THSD4: variants seen among roughly 807,000 people sequenced by gnomAD.
THSD4 encodes thrombospondin type 1 domain containing 4, also known as thrombospondin type-1 domain-containing protein 4.
In THSD4, 69 loss-of-function variants were observed where a neutral mutation model predicts 119.0. The observed-to-expected ratio is 0.58, with a 90% CI of 0.48 to 0.71. The LOEUF (loss-of-function observed/expected upper bound fraction) is 0.71, where lower values mean the gene tolerates loss of function less well. THSD4 is among the 30% of genes least tolerant of loss of function. The probability of loss-of-function intolerance (pLI) is 0.00; values close to 1 mark genes in which losing one functional copy is unlikely to be tolerated. For missense variants in THSD4, 1,393 were observed against 1,391.1 expected (o/e 1.00, Z -0.02); for synonymous variants, 524 against 540.4 (o/e 0.97, Z 0.42).
At chr15:71,664,262 A>C (rs148070891) in intron 8 of THSD4, among the ~76,000 whole-genome samples, 1 of 151,922 alleles carries the variant, frequency 6.6e-6, no homozygotes, top group African/African-American at 2.4e-5. Context: ...GATTACAGGC[A>C]TGAGCCACCA....
At chr15:71,687,755 C>G (rs1478299912) in intron 8 of THSD4, among the ~76,000 whole-genome samples, 1 of 55,116 alleles carries the variant, frequency 1.8e-5, no homozygotes, top group African/African-American at 6.0e-5. Context: ...AACTCTGTCT[C>G]AAAAAAAAAA....
At chr15:71,609,851 C>CA (rs369430349) in intron 7 of THSD4, among the ~76,000 whole-genome samples, 95,499 of 115,272 alleles carry the variant, frequency 0.83, 39,309 homozygotes, top group East Asian at 0.98. Context: ...GACTCCGTCT[C>CA]AAAAAAAAAA....
intron 5 of THSD4, among the ~76,000 whole-genome samples, chr15:71,243,901 C>T (rs2044176552): frequency 6.6e-6 from 1 of 150,656 alleles, no homozygotes; most frequent in Non-Finnish European, 1.5e-5. Context: ...TTTCCTGCCT[C>T]AGCCTCCCGA....
chr15:71,633,664 TTTCAG>T (rs1192290441), intron 7 of THSD4, among the ~76,000 whole-genome samples: 4 of 152,178 alleles, frequency 2.6e-5, no homozygotes, highest in African/African-American at 9.6e-5. Context: ...AATATTTGTC[TTTCAG>T]TTCATTTAGT....
rs202043198 is a variant in THSD4, at chr15:71,737,930, C to T, written c.1829C>T (p.Pro610Leu). Residue 610 changes from proline (P) to leucine (L), a missense_variant, in exon 11 of 18, where the codon CCG becomes CTG. Pro to Leu is a moderately conservative substitution (Grantham distance 98). Transcript: ENST00000261862. The part of the protein sequence containing the change: ...HRPDNLVPPA[P>L]QPPRRSRDHN... ...CCGGACAACTTGGTGCCACCAGCAC[C>T]GCAGCCCCCACGGCGCAGCCGGGAT... The T allele has an allele frequency of 3.4e-4, 550 of 1,614,178 alleles. No homozygotes were observed. Among genetic ancestry groups the T allele is most frequent in the Middle Eastern group, 2.3e-3 (14 of 6,060 alleles).
At chr15:71,492,879 C>A (rs2047943487) in intron 7 of THSD4, among the ~76,000 whole-genome samples, 1 of 150,536 alleles carries the variant, frequency 6.6e-6, no homozygotes, top group East Asian at 1.9e-4. Flanking sequence ...AAACCCTTTG[C>A]CCTCCATGAA....
At chr15:71,180,194 A>T (rs1247909693) in intron 3 of THSD4, among the ~76,000 whole-genome samples, 1 of 151,814 alleles carries the variant, frequency 6.6e-6, no homozygotes, top group Non-Finnish European at 1.5e-5. Flanking sequence ...AGACACTATC[A>T]ACAGAGTATA....
intron 7 of THSD4, among the ~76,000 whole-genome samples, chr15:71,580,068 A>G (rs2049529371): frequency 6.6e-6 from 1 of 152,184 alleles, no homozygotes; most frequent in African/African-American, 2.4e-5. Context: ...CTTTCCCAAG[A>G]GAGAGTTTTC....
intron 1 of THSD4, among the ~76,000 whole-genome samples, chr15:71,123,947 C>T (rs778474641): frequency 3.9e-5 from 6 of 152,212 alleles, no homozygotes; most frequent in Non-Finnish European, 7.3e-5. Flanking sequence ...GTCGCACTCT[C>T]TCTCACATTG....
rs578217708 is a variant in THSD4, at chr15:71,134,217, C to A, written c.-79-7232C>A. On this transcript the variant is annotated intron_variant, in intron 1 of 17. Coordinates refer to ENST00000261862, the MANE Select transcript of THSD4 (RefSeq NM_024817.3). ...GCCAAGGACATGTTGGGGGAACATT[C>A]CTCTGGCTGTCCTCATAGGCAGGGA... is the stretch of plus-strand genomic sequence containing the variant. Among the ~76,000 whole-genome samples, 7 of 152,316 alleles carry A rather than the reference C, an allele frequency of 4.6e-5. 1 individual carries two copies. In the South Asian group the frequency reaches 1.5e-3, roughly 32 times the overall value.
chr15:71,763,736 C>T (rs1248369756), intron 15 of THSD4, among the ~76,000 whole-genome samples: 5 of 151,584 alleles, frequency 3.3e-5, no homozygotes, highest in Admixed American at 1.3e-4. Context: ...TGAGCCACCG[C>T]GCCTGGCCCC....
chr15:71,515,149 G>A (rs2048339506), intron 7 of THSD4, among the ~76,000 whole-genome samples: 1 of 152,172 alleles, frequency 6.6e-6, no homozygotes, highest in Admixed American at 6.5e-5. Flanking sequence ...ATTCTCACCA[G>A]CAGTGAATGA....
intron 1 of THSD4, among the ~76,000 whole-genome samples, chr15:71,132,293 C>G (rs1470266): frequency 0.1 from 15,898 of 152,112 alleles, 1,148 homozygotes; most frequent in East Asian, 0.42. Flanking sequence ...ATCATATTTT[C>G]CAACAATAAG....
chr15:71,190,423 G>T (rs2043661252), intron 3 of THSD4, among the ~76,000 whole-genome samples: 1 of 152,098 alleles, frequency 6.6e-6, no homozygotes, highest in African/African-American at 2.4e-5. Context: ...TGTCTGAGGT[G>T]GGCTCCAGCT....
chr15:71,259,776 G>A (rs945892961), intron 6 of THSD4, among the ~76,000 whole-genome samples: 1 of 152,210 alleles, frequency 6.6e-6, no homozygotes, highest in East Asian at 1.9e-4. Flanking sequence ...AAGAGGGGAT[G>A]ACTCAGCCTA....
chr15:71,285,853 CAAAAAAAAAAAAAAAA>C (rs11421766), intron 6 of THSD4, among the ~76,000 whole-genome samples: 3 of 67,390 alleles, frequency 4.5e-5, no homozygotes, highest in Admixed American at 2.4e-4. Flanking sequence ...GACTCCGTCT[CAAAAAAAAAAAAAAAA>C]AAAAAAAAAA....
At chr15:71,411,666 T>C (rs375935000) in intron 6 of THSD4, 21 bp from the exon 7 acceptor site, 145 of 1,602,500 alleles carry the variant, frequency 9.0e-5, no homozygotes, top group Non-Finnish European at 1.2e-4. Context: ...TATTTTATTT[T>C]ATTTCATTTT....
chr15:71,641,692 ACTTT>A (rs2050861193), intron 7 of THSD4, among the ~76,000 whole-genome samples: 4 of 152,072 alleles, frequency 2.6e-5, no homozygotes, highest in African/African-American at 9.7e-5. Context: ...CCCTTATGTC[ACTTT>A]CATAATAAAA....
intron 2 of THSD4, chr15:71,147,520 C>T (rs988511996): frequency 2.0e-5 from 3 of 152,190 alleles, no homozygotes; most frequent in Non-Finnish European, 4.4e-5. Context: ...TCTATCCTTC[C>T]ATTCTTTTAT....
Sources: allele counts gnomAD v4.1 joint callset (sites outside exome capture counted in the v4.1 genomes callset), GRCh38; gene constraint gnomAD v4.1.1; transcripts MANE v1.5; gene names NCBI Gene and HGNC (gene_info 2026-07-23, HGNC 2026-07-21).